Variants in CNTN4 observed in about 807,000 individuals in gnomAD.
The protein encoded by CNTN4 is contactin 4.
In CNTN4, 77 loss-of-function variants were observed where a neutral mutation model predicts 122.5. The observed-to-expected ratio is 0.63, with a 90% CI of 0.52 to 0.76. The LOEUF is 0.76. CNTN4 is among the 30% of genes least tolerant of loss of function. The probability of loss-of-function intolerance (pLI) is 0.00; values close to 1 mark genes in which losing one functional copy is unlikely to be tolerated. For synonymous variants in CNTN4, 512 were observed against 447.0 expected, an observed-to-expected ratio of 1.15 and a Z score of -1.83; for missense variants, 1,256 against 1,259.1, an observed-to-expected ratio of 1.00 and a Z score of 0.04.
chr3:2,538,096 A>G lies in CNTN4; in HGVS notation c.-88-33320A>G, dbSNP rs557146696. ...AAGTATGGTGGATCCCTAATGTCAT[A>G]TGACTGGTGTCCTTATAAAAGGGGG... On this transcript the variant is annotated intron_variant, in intron 3 of 24. Transcript: ENST00000418658. Among the ~76,000 whole-genome samples the G allele has an allele frequency of 6.6e-5, 10 of 152,220 alleles. No homozygotes were observed. In the South Asian group the frequency reaches 1.9e-3, roughly 28 times the overall value.
intron 3 of CNTN4, among the ~76,000 whole-genome samples, chr3:2,373,250 G>T (rs537835910): frequency 6.6e-6 from 1 of 152,294 alleles, no homozygotes; most frequent in Non-Finnish European, 1.5e-5. Context: ...TAGGCCCCAC[G>T]TGGGTTAAGC....
chr3:2,795,983 T>C (rs1352999219), intron 6 of CNTN4, among the ~76,000 whole-genome samples: 1 of 152,212 alleles, frequency 6.6e-6, no homozygotes, highest in Non-Finnish European at 1.5e-5. Context: ...TAACCATTTC[T>C]TAGATGTCTA....
At chr3:2,641,412 A>G (rs1041430992) in intron 4 of CNTN4, among the ~76,000 whole-genome samples, 2 of 152,230 alleles carry the variant, frequency 1.3e-5, no homozygotes, top group Non-Finnish European at 2.9e-5. Flanking sequence ...CAGCCTTTGC[A>G]TTAAAACATC....
chr3:2,883,775 A>C (rs2093938720), intron 9 of CNTN4, among the ~76,000 whole-genome samples: 1 of 152,212 alleles, frequency 6.6e-6, no homozygotes, highest in Non-Finnish European at 1.5e-5. Context: ...AAAGTTGTCC[A>C]AATATTGTTT....
chr3:2,597,939 A>T (rs1490256156), intron 4 of CNTN4, among the ~76,000 whole-genome samples: 1 of 152,120 alleles, frequency 6.6e-6, no homozygotes, highest in Non-Finnish European at 1.5e-5. Context: ...TTTTCTTCTT[A>T]TTTTTCCTTA....
At chr3:2,889,772 C>T (rs2094017714) in intron 10 of CNTN4, among the ~76,000 whole-genome samples, 1 of 152,116 alleles carries the variant, frequency 6.6e-6, no homozygotes, top group African/African-American at 2.4e-5. Context: ...TTCCTGCTCT[C>T]AGTATGTTAA....
chr3:2,305,693 G>A (rs1447309714), intron 2 of CNTN4, among the ~76,000 whole-genome samples: 1 of 152,052 alleles, frequency 6.6e-6, no homozygotes, highest in Non-Finnish European at 1.5e-5. Context: ...TCAGTGGTTT[G>A]TAGTATATTC....
At chr3:2,644,453 C>T (rs1291412069) in intron 4 of CNTN4, among the ~76,000 whole-genome samples, 1 of 152,018 alleles carries the variant, frequency 6.6e-6, no homozygotes, top group Non-Finnish European at 1.5e-5. Flanking sequence ...AGTCTCAGAG[C>T]CAAGAATGAA....
At chr3:2,246,171 A>G (rs1476700061) in intron 2 of CNTN4, among the ~76,000 whole-genome samples, 1 of 149,984 alleles carries the variant, frequency 6.7e-6, no homozygotes, top group Non-Finnish European at 1.5e-5. Context: ...TAAAAAAAAT[A>G]TCATACAATG....
chr3:2,815,889 T>TATAG (rs1471784608), intron 6 of CNTN4, among the ~76,000 whole-genome samples: 1 of 150,384 alleles, frequency 6.6e-6, no homozygotes, highest in Non-Finnish European at 1.5e-5. Flanking sequence ...TATATATATA[T>TATAG]ATGATGGAAT....
chr3:2,268,102 C>T (rs80257350), intron 2 of CNTN4, among the ~76,000 whole-genome samples: 16,672 of 152,136 alleles, frequency 0.11, 1,191 homozygotes, highest in Non-Finnish European at 0.16. Flanking sequence ...TAAGCATTTA[C>T]TATCTGCTCA....
At chr3:2,881,909 A>G (rs969445192) in intron 8 of CNTN4, among the ~76,000 whole-genome samples, 3 of 152,252 alleles carry the variant, frequency 2.0e-5, no homozygotes, top group Non-Finnish European at 2.9e-5. Flanking sequence ...GAGAGATGAA[A>G]TGGAGAGCCC....
intron 2 of CNTN4, among the ~76,000 whole-genome samples, chr3:2,274,382 AAAACAAAC>A (rs139284831): frequency 1.5e-4 from 23 of 151,024 alleles, no homozygotes; most frequent in Admixed American, 3.3e-4. Context: ...GACTCCATCA[AAAACAAAC>A]AAACAAACAA....
At chr3:2,510,336 G>A (rs1196195696) in intron 3 of CNTN4, among the ~76,000 whole-genome samples, 2 of 144,780 alleles carry the variant, frequency 1.4e-5, no homozygotes, top group Non-Finnish European at 1.6e-5. Context: ...AGAAAACTAA[G>A]ACTCACAAAG....
chr3:2,385,838 C>G lies in CNTN4; in HGVS notation c.-89+46605C>G, dbSNP rs2046233934. ...CCAAATAAGGTCACATTCACACGTA[C>G]CAGGGGTCAAGACTTCAACACATCT... On this transcript the variant is annotated intron_variant, in intron 3 of 24. Transcript: ENST00000418658. This position sits in a 1 kb window ranked among gnomAD's most constrained non-coding sequence, Gnocchi z 4.0. Among the ~76,000 whole-genome samples, 3 of 152,036 alleles carry G rather than the reference C, an allele frequency of 2.0e-5. No homozygotes were observed. In the South Asian group the frequency reaches 6.2e-4, roughly 32 times the overall value.
rs1056140765 is a variant in CNTN4 at position 2,412,274 on chromosome 3, G to C, written c.-89+73041G>C. 2.0e-5 allele frequency among the ~76,000 whole-genome samples: 3 copies of C among 150,328 alleles called. No individual in the cohort carries two copies. In the East Asian group the frequency reaches 5.8e-4, roughly 29 times the overall value. On this transcript the variant is annotated intron_variant, in intron 3 of 24. Transcript: ENST00000418658. Reference sequence around the variant, plus strand: ...AAATACTTTTTTTTTTTTTGGAGGCGGAGTTTCACTCTTGTTGCCCAGGCT... The same window carrying C: ...AAATACTTTTTTTTTTTTTGGAGGCCGAGTTTCACTCTTGTTGCCCAGGCT...
At chr3:3,009,724 C>T (rs1266386609) in intron 14 of CNTN4, among the ~76,000 whole-genome samples, 2 of 152,204 alleles carry the variant, frequency 1.3e-5, no homozygotes, top group African/African-American at 2.4e-5. Context: ...TGAGCCACCG[C>T]GCCCGGCCAG....
chr3:2,547,995 GTTGT>G (rs2078318833), intron 3 of CNTN4, among the ~76,000 whole-genome samples: 1 of 152,072 alleles, frequency 6.6e-6, no homozygotes, highest in African/African-American at 2.4e-5. Flanking sequence ...TTTTGATGAG[GTTGT>G]TTGTTTTATT....
intron 3 of CNTN4, among the ~76,000 whole-genome samples, chr3:2,508,339 T>C (rs1034324050): frequency 6.6e-6 from 1 of 152,214 alleles, no homozygotes; most frequent in Non-Finnish European, 1.5e-5. Flanking sequence ...GACTCTGACT[T>C]TTAGTGAGAG....
Sources: gnomAD v4.1 joint callset for allele counts (sites outside exome capture counted in the v4.1 genomes callset) on GRCh38, gnomAD v4.1.1 for gene constraint, Gnocchi (gnomAD v3.1) non-coding constraint, MANE v1.5 for transcripts, NCBI Gene and HGNC (gene_info 2026-07-23, HGNC 2026-07-21) for gene names.